OTOGL: variants seen among roughly 807,000 people sequenced by gnomAD.
OTOGL encodes the protein otogelin like.
A neutral mutation model predicts 318.5 loss-of-function variants in OTOGL; 285 were observed. The observed-to-expected ratio is 0.89, with a 90% CI of 0.81 to 0.99. The LOEUF (loss-of-function observed/expected upper bound fraction) is 0.99, where lower values mean the gene tolerates loss of function less well. OTOGL is among the 50% of genes least tolerant of loss of function. The pLI is 0.00. For synonymous variants in OTOGL, 987 were observed against 936.5 expected (o/e 1.05, Z -0.99); for missense variants, 2,899 against 2,845.6 (o/e 1.02, Z -0.43).
chr12:80,136,501 C>T (rs1020949901), intron 1 of OTOGL, among the ~76,000 whole-genome samples: 1 of 152,170 alleles, frequency 6.6e-6, no homozygotes, highest in Non-Finnish European at 1.5e-5. Context: ...TCGTGAAGTA[C>T]ACCTTATGAT....
chr12:80,241,386 A>G (rs1307172651), intron 11 of OTOGL, among the ~76,000 whole-genome samples: 1 of 152,044 alleles, frequency 6.6e-6, no homozygotes, highest in Non-Finnish European at 1.5e-5. Context: ...TGACCTTACT[A>G]TATATTTTTT....
At chr12:80,196,941 G>T (rs1227079133) in intron 1 of OTOGL, among the ~76,000 whole-genome samples, 1 of 152,134 alleles carries the variant, frequency 6.6e-6, no homozygotes, top group Admixed American at 6.5e-5. Flanking sequence ...TATAATTCAG[G>T]AAAAGCCAAC....
At chr12:80,153,665 G>C (rs1872931294) in intron 1 of OTOGL, among the ~76,000 whole-genome samples, 2 of 152,120 alleles carry the variant, frequency 1.3e-5, no homozygotes, top group South Asian at 2.1e-4. Flanking sequence ...ATCATATAGA[G>C]TATTGTCACT....
intron 57 of OTOGL, among the ~76,000 whole-genome samples, chr12:80,376,167 T>A (rs1378128793): frequency 6.6e-6 from 1 of 152,008 alleles, no homozygotes; most frequent in Non-Finnish European, 1.5e-5. Context: ...AATTTGGAGG[T>A]CATGAGTGAC....
intron 1 of OTOGL, among the ~76,000 whole-genome samples, chr12:80,178,057 C>CT (rs1206388387): frequency 8.4e-4 from 105 of 125,406 alleles, no homozygotes; most frequent in African/African-American, 2.1e-3. Flanking sequence ...TTCTTTCTTT[C>CT]TTTCTTTTTT....
rs779240339 is a variant in OTOGL at position 80,358,623 on chromosome 12, T to A, written c.6122-48T>A. Reference sequence around the variant, plus strand: ...GAACTAAATGGTAGGTAATGAGAAATGGCAACTCTATAAAATTCATCTTTA... The same window carrying A: ...GAACTAAATGGTAGGTAATGAGAAAAGGCAACTCTATAAAATTCATCTTTA... On this transcript the variant is annotated intron_variant, in intron 50 of 58. Transcript: ENST00000547103. The A allele has an allele frequency of 2.1e-6, 3 of 1,426,748 alleles. No homozygotes were observed. The African/African-American group carries it at 4.3e-5, about 20-fold the overall frequency. The allele number at this position is 1,426,748 out of a possible 1,614,324, so 88.4% of individuals were successfully genotyped here.
At chr12:80,338,143 A>G (rs778906242) in intron 42 of OTOGL, among the ~76,000 whole-genome samples, 1 of 152,100 alleles carries the variant, frequency 6.6e-6, no homozygotes, top group Non-Finnish European at 1.5e-5. Context: ...ATACTTGTGC[A>G]TGATTTGCAT....
At chr12:80,366,985 T>C (rs1890581063) in intron 53 of OTOGL, among the ~76,000 whole-genome samples, 1 of 151,960 alleles carries the variant, frequency 6.6e-6, no homozygotes, top group African/African-American at 2.4e-5. Context: ...TTATTATTAA[T>C]GTATTTTTAT....
intron 1 of OTOGL, among the ~76,000 whole-genome samples, chr12:80,135,298 A>G (rs1871493816): frequency 1.1e-5 from 1 of 93,706 alleles, no homozygotes. Context: ...CCCTTGATGG[A>G]GTCTTGCTCT....
Position 80,320,841 on chromosome 12 carries a change from T to C in OTOGL, c.4081+141T>C, listed in dbSNP as rs1019561823. 8 of 748,322 alleles carry C rather than the reference T, an allele frequency of 1.1e-5. No homozygotes were observed. The African/African-American group carries it at 1.4e-4, about 13-fold the overall frequency. The allele number at this position is 748,322 out of a possible 1,614,324, so 46.4% of individuals were successfully genotyped here. A position where few individuals can be genotyped will look rare whatever the true frequency, so the allele number is the denominator to read the frequency against. ...GACCTTAAGTAAGTGTCTTAACCTCTATACCCCTCTATATCTCCAATATAC... is the reference window on the plus strand; with the variant it reads ...GACCTTAAGTAAGTGTCTTAACCTCCATACCCCTCTATATCTCCAATATAC... On this transcript the variant is annotated intron_variant, in intron 34 of 58. Transcript: ENST00000547103.
At chr12:80,102,281 T>C (rs1300299454) in intron 1 of OTOGL, among the ~76,000 whole-genome samples, 15 of 152,216 alleles carry the variant, frequency 9.9e-5, no homozygotes, top group Admixed American at 9.8e-4. Flanking sequence ...CGTTGATATA[T>C]CCATTGCACC....
Position 80,328,536 on chromosome 12 carries a change from G to A in OTOGL, c.4200-129G>A, listed in dbSNP as rs1592713544. 8.9e-6 allele frequency: 6 copies of A among 674,374 alleles called. No individual in the cohort carries two copies. The Admixed American group carries it at 1.1e-4, about 13-fold the overall frequency. 41.8% of individuals were successfully genotyped at this position (674,374 alleles called of 1,614,324 possible). A position where few individuals can be genotyped will look rare whatever the true frequency, so the allele number is the denominator to read the frequency against. ...GAAGTAGCAGATGGAGCAGTTGTTAGTGCTTGACAAGGGTATATAGAAGCA... is the reference window on the plus strand; with the variant it reads ...GAAGTAGCAGATGGAGCAGTTGTTAATGCTTGACAAGGGTATATAGAAGCA... On this transcript the variant is annotated intron_variant, in intron 35 of 58. Transcript: ENST00000547103.
intron 1 of OTOGL, among the ~76,000 whole-genome samples, chr12:80,122,213 C>T (rs896684945): frequency 3.3e-5 from 5 of 152,044 alleles, no homozygotes; most frequent in African/African-American, 1.2e-4. Flanking sequence ...ATACCTCTAC[C>T]TTCTGAACTT....
intron 1 of OTOGL, among the ~76,000 whole-genome samples, chr12:80,168,678 T>C (rs1873990027): frequency 2.0e-5 from 3 of 152,218 alleles, no homozygotes; most frequent in Non-Finnish European, 4.4e-5. Flanking sequence ...ACGTGGAAGA[T>C]ATTGTTTAAT....
At chr12:80,176,806 A>T (rs4842276) in intron 1 of OTOGL, among the ~76,000 whole-genome samples, 55,978 of 151,626 alleles carry the variant, frequency 0.37, 12,359 homozygotes, top group Admixed American at 0.52. Flanking sequence ...AATTTTTTTT[A>T]AAAAAATTGT....
At chr12:80,227,780 C>T (rs536747811) in intron 7 of OTOGL, among the ~76,000 whole-genome samples, 2 of 152,192 alleles carry the variant, frequency 1.3e-5, no homozygotes, top group South Asian at 4.2e-4. Flanking sequence ...TCCAGATATC[C>T]CATATGGCTT....
intron 57 of OTOGL, among the ~76,000 whole-genome samples, chr12:80,373,799 G>T (rs1024434892): frequency 3.3e-5 from 5 of 152,046 alleles, no homozygotes; most frequent in South Asian, 2.1e-4. Flanking sequence ...TCTTGTAAGT[G>T]ATAATGCTAG....
Position 80,355,938 on chromosome 12 carries a change from G to A in OTOGL, c.5796G>A (p.Lys1932=). ...TTGATAAATGGACCTGCTGTTCAAA[G>A]GAAGTTTGTGGTATGTATGCAGAAG... ...GIIDKWTCCS[K]EVCGCDTTLC... The change falls in exon 47 of 59, where the codon AAG becomes AAA. Residue 1932 remains lysine (K), a synonymous_variant. Coordinates refer to ENST00000547103, the MANE Select transcript of OTOGL (RefSeq NM_001378609.3). The A allele has an allele frequency of 6.2e-7, 1 of 1,613,796 alleles. No individual in the cohort carries two copies. Among genetic ancestry groups the A allele is most frequent in the Non-Finnish European group, 8.5e-7 (1 of 1,179,740 alleles).
At chr12:80,150,911 A>C (rs1872745768) in intron 1 of OTOGL, among the ~76,000 whole-genome samples, 1 of 152,212 alleles carries the variant, frequency 6.6e-6, no homozygotes, top group Non-Finnish European at 1.5e-5. Flanking sequence ...TTTATAGTTT[A>C]AATAAATTAC....
Sources: allele counts gnomAD v4.1 joint callset (sites outside exome capture counted in the v4.1 genomes callset), GRCh38; gene constraint gnomAD v4.1.1; transcripts MANE v1.5; gene names NCBI Gene and HGNC (gene_info 2026-07-23, HGNC 2026-07-21).